The following PATJ variants were observed in gnomAD, a reference collection of about 807,000 sequenced individuals.
PATJ encodes inaD-like protein.
Under a neutral mutation model 224.9 loss-of-function variants are expected in PATJ, and 190 were observed. The observed-to-expected ratio is 0.84, with a 90% CI of 0.75 to 0.95. PATJ has a LOEUF of 0.95. PATJ is among the 40% of genes least tolerant of loss of function. The probability of loss-of-function intolerance (pLI) is 0.00; values close to 1 mark genes in which losing one functional copy is unlikely to be tolerated. For synonymous variants in PATJ, 769 were observed against 820.3 expected, an observed-to-expected ratio of 0.94 and a Z score of 1.07; for missense variants, 2,121 against 2,270.3, an observed-to-expected ratio of 0.93 and a Z score of 1.34.
intron 28 of PATJ, among the ~76,000 whole-genome samples, chr1:61,999,480 C>G (rs1645614206): frequency 6.6e-6 from 1 of 151,950 alleles, no homozygotes; most frequent in Non-Finnish European, 1.5e-5. Flanking sequence ...CCAGCCTGGC[C>G]AACATGGTGA....
chr1:62,106,158 G>GTATATATATATATA lies in PATJ; in HGVS notation c.4378-2263_4378-2250dup, dbSNP rs61653676. ...TACATGTGTATATGTGTGTGTGTGT[G>GTATATATATATATA]TATATATATATATATATATATATAT... On this transcript the variant is annotated intron_variant, in intron 33 of 43. Transcript: ENST00000642238. Among the ~76,000 whole-genome samples the GTATATATATATATA allele has an allele frequency of 1.1e-3, 55 of 48,046 alleles. 2 individuals are homozygous for GTATATATATATATA. Among genetic ancestry groups the GTATATATATATATA allele is most frequent in the South Asian group, 4.3e-3 (4 of 930 alleles). 31.5% of individuals were successfully genotyped at this position (48,046 alleles called of 152,430 possible). A position where few individuals can be genotyped will look rare whatever the true frequency, so the allele number is the denominator to read the frequency against.
chr1:61,907,402 A>G (rs1457443520), intron 24 of PATJ, among the ~76,000 whole-genome samples: 1 of 152,196 alleles, frequency 6.6e-6, no homozygotes, highest in Non-Finnish European at 1.5e-5. Context: ...TGCCTCTGTA[A>G]CAGCAAAGGA....
chr1:61,854,593 G>T (rs954375916), intron 17 of PATJ, among the ~76,000 whole-genome samples: 2 of 152,216 alleles, frequency 1.3e-5, no homozygotes, highest in African/African-American at 2.4e-5. Flanking sequence ...GAGCCAGGCT[G>T]CCTGGTTGGA....
At chr1:61,792,627 T>A (rs1650129257) in intron 9 of PATJ, among the ~76,000 whole-genome samples, 1 of 151,722 alleles carries the variant, frequency 6.6e-6, no homozygotes, top group East Asian at 1.9e-4. Context: ...GCCTCCCAGG[T>A]TCAAGAGATT....
chr1:62,022,485 T>C (rs189352796), intron 29 of PATJ, among the ~76,000 whole-genome samples: 77 of 152,308 alleles, frequency 5.1e-4, no homozygotes, highest in African/African-American at 1.8e-3. Context: ...TTCAATTCTG[T>C]GGGTTTTCGT....
intron 33 of PATJ, among the ~76,000 whole-genome samples, chr1:62,106,179 T>TATATATAG (rs1198355262): frequency 1.9e-5 from 2 of 106,274 alleles, no homozygotes; most frequent in Non-Finnish European, 4.0e-5. Flanking sequence ...TATATATATA[T>TATATATAG]ATATATATGG....
chr1:61,767,713 G>C (rs1242239087), intron 4 of PATJ, among the ~76,000 whole-genome samples: 30 of 126,518 alleles, frequency 2.4e-4, no homozygotes, highest in Non-Finnish European at 1.6e-5. Flanking sequence ...GTCTTGCTCT[G>C]TTGCCCAGGC....
chr1:61,987,722 C>T (rs1180530596), intron 27 of PATJ, among the ~76,000 whole-genome samples: 1 of 152,144 alleles, frequency 6.6e-6, no homozygotes, highest in African/African-American at 2.4e-5. Context: ...CAAAGAATTT[C>T]CAGTTTGCAG....
chr1:62,108,785 G>A (rs755893941), intron 34 of PATJ, among the ~76,000 whole-genome samples: 16 of 152,020 alleles, frequency 1.1e-4, no homozygotes, highest in Non-Finnish European at 2.2e-4. Context: ...AATATCAAAT[G>A]AGACTATATA....
At chr1:62,103,811 C>T (rs79213985) in intron 33 of PATJ, among the ~76,000 whole-genome samples, 159 of 151,566 alleles carry the variant, frequency 1.0e-3, no homozygotes, top group African/African-American at 3.8e-3. Context: ...TCGCACTGTA[C>T]GTAAAGCCTT....
chr1:62,033,968 A>G (rs931131865), intron 29 of PATJ, among the ~76,000 whole-genome samples: 1 of 152,200 alleles, frequency 6.6e-6, no homozygotes, highest in Non-Finnish European at 1.5e-5. Flanking sequence ...AGCAATGAGG[A>G]CACACATGCA....
chr1:62,044,588 A>C (rs890118903), intron 30 of PATJ, among the ~76,000 whole-genome samples: 1 of 152,218 alleles, frequency 6.6e-6, no homozygotes, highest in African/African-American at 2.4e-5. Context: ...AATCTTTTAG[A>C]ATATCTTCAA....
At chr1:62,119,597 A>T (rs2148909681) in intron 37 of PATJ, among the ~76,000 whole-genome samples, 1 of 152,240 alleles carries the variant, frequency 6.6e-6, no homozygotes, top group Non-Finnish European at 1.5e-5. Flanking sequence ...TACTTGCGAG[A>T]TCTTTTCCTC....
chr1:61,873,964 C>A (rs981307019), intron 20 of PATJ, among the ~76,000 whole-genome samples: 2 of 152,132 alleles, frequency 1.3e-5, no homozygotes, highest in African/African-American at 4.8e-5. Context: ...TTGCTGAGAG[C>A]TTTCTTTTTG....
At chr1:62,063,779 G>A (rs1452483898) in intron 31 of PATJ, among the ~76,000 whole-genome samples, 3 of 152,110 alleles carry the variant, frequency 2.0e-5, no homozygotes, top group Admixed American at 6.5e-5. Flanking sequence ...AAATGGGATT[G>A]CATTCCTGAT....
chr1:61,910,536 CT>C (rs71050181), intron 25 of PATJ, among the ~76,000 whole-genome samples: 108 of 42,264 alleles, frequency 2.6e-3, no homozygotes, highest in African/African-American at 7.7e-3. Context: ...CAAAGTGACT[CT>C]TTTTTTTTTT....
At chr1:61,807,795 G>T (rs1000837281) in intron 13 of PATJ, among the ~76,000 whole-genome samples, 1 of 152,132 alleles carries the variant, frequency 6.6e-6, no homozygotes, top group Non-Finnish European at 1.5e-5. Flanking sequence ...ATCCCTTCCC[G>T]CCAGATGCAT....
At chr1:62,144,476 GCAGA>G (rs1195319285) in intron 41 of PATJ, among the ~76,000 whole-genome samples, 7 of 152,190 alleles carry the variant, frequency 4.6e-5, no homozygotes, top group East Asian at 3.9e-4. Flanking sequence ...TGCATTGCTG[GCAGA>G]CAAAGTTCCC....
chr1:61,996,201 T>A (rs574607856), intron 28 of PATJ, among the ~76,000 whole-genome samples: 1 of 152,242 alleles, frequency 6.6e-6, no homozygotes, highest in Non-Finnish European at 1.5e-5. Context: ...GATAAAGACA[T>A]AGAGCTACAG....
Sources: gnomAD v4.1 joint callset for allele counts (sites outside exome capture counted in the v4.1 genomes callset) on GRCh38, gnomAD v4.1.1 for gene constraint, MANE v1.5 for transcripts, NCBI Gene and HGNC (gene_info 2026-07-23, HGNC 2026-07-21) for gene names.